Variants in C2orf76 observed in about 807,000 individuals in gnomAD.
C2orf76 encodes UPF0538 protein C2orf76.
C2orf76 carries 23 observed loss-of-function variants against 16.9 expected under a neutral mutation model. The ratio of observed to expected loss-of-function variants is 1.36; its 90% CI spans 0.98 to 1.93. C2orf76 has a LOEUF of 1.93. Among genes scored for constraint, C2orf76 ranks in the 30% most tolerant of loss-of-function variants. C2orf76 has a pLI of 0.00. For synonymous variants in C2orf76, 48 were observed against 52.3 expected, an observed-to-expected ratio of 0.92 and a Z score of 0.35; for missense variants, 152 against 152.6, an observed-to-expected ratio of 1.00 and a Z score of 0.02.
chr2:119,309,093 T>C (rs1678891915), intron 5 of C2orf76, among the ~76,000 whole-genome samples: 1 of 152,178 alleles, frequency 6.6e-6, no homozygotes, highest in South Asian at 2.1e-4. Context: ...AGCATGCTAA[T>C]TGTTGTGCAG....
intron 2 of C2orf76, among the ~76,000 whole-genome samples, chr2:119,329,222 G>C (rs1019595908): frequency 6.6e-6 from 1 of 152,028 alleles, no homozygotes; most frequent in African/African-American, 2.4e-5. Context: ...TCTGTTGTTA[G>C]GTGCATCGTT....
At chr2:119,283,493 G>A in the C2orf76 span, among the ~76,000 whole-genome samples, 231 of 151,890 alleles carry the variant, frequency 1.5e-3, no homozygotes, top group Non-Finnish European at 2.7e-3. Flanking sequence ...TTTTTTTCTT[G>A]AGAGGGAGTC....
intron 2 of C2orf76, among the ~76,000 whole-genome samples, chr2:119,333,964 C>CTT (rs202116896): frequency 6.6e-6 from 1 of 151,096 alleles, no homozygotes; most frequent in East Asian, 1.9e-4. Context: ...TTCTTTTTTT[C>CTT]TTTTTTTTTG....
At chr2:119,312,205 G>A (rs1679016314) in intron 4 of C2orf76, among the ~76,000 whole-genome samples, 1 of 152,162 alleles carries the variant, frequency 6.6e-6, no homozygotes. Flanking sequence ...TGAGCTTCCA[G>A]CTCTGGCCAG....
chr2:119,299,485 A>G (rs546826057), downstream of C2orf76, among the ~76,000 whole-genome samples: 1 of 152,174 alleles, frequency 6.6e-6, no homozygotes, highest in Non-Finnish European at 1.5e-5. Context: ...TTTAGTCACA[A>G]TACATTTTTA....
At chr2:119,358,621 T>C (rs559485423) in intron 1 of C2orf76, among the ~76,000 whole-genome samples, 21 of 149,340 alleles carry the variant, frequency 1.4e-4, no homozygotes, top group African/African-American at 5.2e-4. Context: ...GTCGCTGATA[T>C]GGAGAAAGTC....
chr2:119,305,652 G>A (rs1035681684), intron 5 of C2orf76, among the ~76,000 whole-genome samples: 3 of 152,052 alleles, frequency 2.0e-5, no homozygotes, highest in Non-Finnish European at 2.9e-5. Flanking sequence ...CAGGAAGGGC[G>A]AGGTGTGGCT....
chr2:119,339,723 A>C, intron 2 of C2orf76, 104 bp downstream of exon 2: 1 of 1,286,838 alleles, frequency 7.8e-7, no homozygotes, highest in Non-Finnish European at 1.1e-6. Context: ...AACCCAGGTT[A>C]ATCTTTCAAA....
chr2:119,341,147 G>A (rs7595698), intron 1 of C2orf76, among the ~76,000 whole-genome samples: 85,540 of 151,928 alleles, frequency 0.56, 24,436 homozygotes, highest in African/African-American at 0.61. Flanking sequence ...ATGCACAGCA[G>A]TAACAACACT....
the C2orf76 span, among the ~76,000 whole-genome samples, chr2:119,290,404 T>C: frequency 6.6e-6 from 1 of 152,078 alleles, no homozygotes; most frequent in Non-Finnish European, 1.5e-5. Context: ...TGACACATTA[T>C]TAGTCTTCTT....
chr2:119,283,334 C>T, the C2orf76 span, among the ~76,000 whole-genome samples: 1 of 152,224 alleles, frequency 6.6e-6, no homozygotes, highest in African/African-American at 2.4e-5. Flanking sequence ...CCTCTGCCCA[C>T]ACTCCTGGGC....
chr2:119,342,838 G>A (rs1157411568), intron 1 of C2orf76, among the ~76,000 whole-genome samples: 1 of 151,874 alleles, frequency 6.6e-6, no homozygotes, highest in African/African-American at 2.4e-5. Flanking sequence ...TTGGCTCACT[G>A]CAACGTCCCT....
intron 2 of C2orf76, among the ~76,000 whole-genome samples, chr2:119,335,359 AC>A (rs1679814840): frequency 1.3e-5 from 2 of 152,202 alleles, no homozygotes; most frequent in Admixed American, 1.3e-4. Context: ...AAGAACTGAG[AC>A]TCCTTGGAAA....
chr2:119,352,682 G>A (rs1680441709), intron 1 of C2orf76, among the ~76,000 whole-genome samples: 1 of 152,176 alleles, frequency 6.6e-6, no homozygotes, highest in South Asian at 2.1e-4. Context: ...ACCTTTACTG[G>A]TTCAGATGCT....
intron 5 of C2orf76, among the ~76,000 whole-genome samples, chr2:119,303,506 A>G (rs1223348823): frequency 6.6e-6 from 1 of 152,146 alleles, no homozygotes; most frequent in African/African-American, 2.4e-5. Flanking sequence ...CACTCAATTA[A>G]CATACTCTCT....
In C2orf76 at chr2:119,317,479, G is replaced by A. The variant is rs751590663; in HGVS notation, c.209C>T (p.Ala70Val). ...TGTGGAACATACCTTTGATTTATGT[G>A]CTTGATGAATAATCTTTAGTGCATC... ...KYDALKIIHQAHKSKTNELVL... is the reference protein window; with the variant it reads ...KYDALKIIHQVHKSKTNELVL... The change falls in exon 4 of 6, where the codon GCA (alanine) becomes GTA (valine). Residue 70 changes from alanine (A) to valine (V), a missense_variant. Transcript: ENST00000334816. 1 of 1,602,958 alleles carries A rather than the reference G, an allele frequency of 6.2e-7. No individual in the cohort carries two copies. The highest frequency in any genetic ancestry group is 1.7e-5 in the Admixed American group (1 of 59,226).
chr2:119,335,205 C>T (rs901021167), intron 2 of C2orf76, among the ~76,000 whole-genome samples: 5 of 152,082 alleles, frequency 3.3e-5, no homozygotes, highest in Non-Finnish European at 7.4e-5. Context: ...ATTTCTTTGC[C>T]TGATCAGCTG....
At chr2:119,286,969 C>A in the C2orf76 span, among the ~76,000 whole-genome samples, 1 of 152,238 alleles carries the variant, frequency 6.6e-6, no homozygotes, top group East Asian at 1.9e-4. Context: ...CTTAGTACCC[C>A]CAGTGAGCAG....
At position 119,364,164 on chromosome 2, in the gene C2orf76, G is replaced by T. The variant is rs1002841030; in HGVS notation, c.-13+2626C>A. ...AAAGAGAGAGAGATCTTGCCCATCT[G>T]GCTTTATTCTGAGACCCACCGAGTG... On this transcript the variant is annotated intron_variant, in intron 1 of 5. Coordinates refer to ENST00000334816, the MANE Select transcript of C2orf76 (RefSeq NM_001322331.2). Among the ~76,000 whole-genome samples, 10 of 152,032 alleles carry T rather than the reference G, an allele frequency of 6.6e-5. No homozygotes were observed. In the South Asian group the frequency reaches 1.5e-3, roughly 22 times the overall value.
Sources: gnomAD v4.1 joint callset for allele counts (sites outside exome capture counted in the v4.1 genomes callset) on GRCh38, gnomAD v4.1.1 for gene constraint, MANE v1.5 for transcripts, NCBI Gene and HGNC (gene_info 2026-07-23, HGNC 2026-07-21) for gene names.